The following NOL4L variants were observed in gnomAD, a reference collection of about 807,000 sequenced individuals.
NOL4L encodes the protein nucleolar protein 4-like.
In NOL4L, 7 loss-of-function variants were observed where a neutral mutation model predicts 64.5. The observed-to-expected ratio is 0.11, with a 90% CI of 0.06 to 0.20. The LOEUF is 0.20. Ranked by LOEUF, NOL4L falls within the 10% of genes least tolerant of loss-of-function variation. The pLI, the probability that NOL4L is intolerant of heterozygous loss-of-function variation, is 1.00. For missense variants in NOL4L, 680 were observed against 967.1 expected, an observed-to-expected ratio of 0.70 and a Z score of 3.94; for synonymous variants, 413 against 401.0, an observed-to-expected ratio of 1.03 and a Z score of -0.36.
intron 4 of NOL4L, chr20:32,485,708 G>A: frequency 6.4e-6 from 3 of 470,290 alleles, no homozygotes; most frequent in Non-Finnish European, 1.3e-5. Flanking sequence ...AGTGGCCACA[G>A]CTCTTAAGTT....
intron 1 of NOL4L, chr20:32,532,240 C>T (rs1268214542): frequency 4.3e-6 from 2 of 462,448 alleles, no homozygotes; most frequent in Non-Finnish European, 5.7e-6. Context: ...CCTATCTCTA[C>T]AGCAAAGATT....
chr20:32,461,878 C>T (rs2014103922), intron 5 of NOL4L, among the ~76,000 whole-genome samples: 1 of 151,946 alleles, frequency 6.6e-6, no homozygotes, highest in South Asian at 2.1e-4. Flanking sequence ...CCTAGAGACC[C>T]AGAGTTGGTG....
In NOL4L at chr20:32,584,972, C is replaced by CCGGGCCGGGA; in HGVS notation, c.-92_-83dup. 1.2e-6 allele frequency: 1 copy of CCGGGCCGGGA among 824,574 alleles called. No individual in the cohort carries two copies. Among genetic ancestry groups the CCGGGCCGGGA allele is most frequent in the Admixed American group, 6.2e-5 (1 of 16,236 alleles). The allele number at this position is 824,574 out of a possible 1,614,324, so 51.1% of individuals were successfully genotyped here. ...CGGGACTGGGCTGGGCTGGGCTGGA[C>CCGGGCCGGGA]CGGGCCGGGACGCGCCGCGGCCGCG... On this transcript the variant is annotated 5_prime_UTR_variant, in exon 1 of 11. Coordinates refer to ENST00000621426, the MANE Select transcript of NOL4L (RefSeq NM_001256798.2).
intron 1 of NOL4L, among the ~76,000 whole-genome samples, chr20:32,538,848 G>A (rs2018604140): frequency 6.6e-6 from 1 of 152,232 alleles, no homozygotes; most frequent in South Asian, 2.1e-4. Context: ...GGGCAGGGGG[G>A]CCCGGCAGCC....
chr20:32,447,753 G>A lies in NOL4L; in HGVS notation c.1886C>T (p.Pro629Leu), dbSNP rs969576664. ...GGGCCTGCTGGTGCTGGTGCTGGAG[G>A]GGGTGGGCGTGGGGGTGGTGGAGGT... The part of the protein sequence containing the change: ...STTSTTPTPT[P>L]SSTSTSRPVP... Residue 629 changes from proline (P) to leucine (L), a missense_variant, in exon 11 of 11, where the codon CCC becomes CTC. Physicochemically the swap from Pro to Leu is moderately conservative, Grantham distance 98. Coordinates refer to ENST00000621426, the MANE Select transcript of NOL4L (RefSeq NM_001256798.2). 3 of 1,597,180 alleles carry A rather than the reference G, an allele frequency of 1.9e-6. No individual in the cohort carries two copies. The highest frequency in any genetic ancestry group is 2.6e-6 in the Non-Finnish European group (3 of 1,169,106).
rs145067613 is a variant in NOL4L at position 32,447,357 on chromosome 20, C to T, written c.*239G>A. On this transcript the variant is annotated 3_prime_UTR_variant, in exon 11 of 11. Transcript: ENST00000621426. ...GCCCCCAACCCTTCCAGAGCTGCCC[C>T]GTTGGCCTCTTCCAAGCAGGTCAGA... 2.5e-5 allele frequency: 15 copies of T among 597,128 alleles called. No individual in the cohort carries two copies. In the East Asian group the frequency reaches 3.1e-4, roughly 13 times the overall value. 37.0% of individuals were successfully genotyped at this position (597,128 alleles called of 1,614,324 possible).
At chr20:32,571,332 C>G (rs891941097) in intron 1 of NOL4L, among the ~76,000 whole-genome samples, 1 of 152,140 alleles carries the variant, frequency 6.6e-6, no homozygotes, top group Non-Finnish European at 1.5e-5. Context: ...GGATTATAGG[C>G]GTGTGCCACA....
intron 6 of NOL4L, among the ~76,000 whole-genome samples, chr20:32,454,484 C>T (rs540229469): frequency 6.6e-6 from 1 of 152,048 alleles, no homozygotes; most frequent in East Asian, 1.9e-4. Context: ...CCCTCTGCTC[C>T]CACCACGAGT....
chr20:32,452,550 G>T, intron 9 of NOL4L, 113 bp from the exon 10 acceptor site: 2 of 1,014,842 alleles, frequency 2.0e-6, no homozygotes, highest in Non-Finnish European at 1.4e-6. Flanking sequence ...GGGACCCAAT[G>T]CTGCGGTTTG....
chr20:32,502,271 C>G (rs2016950532), intron 4 of NOL4L, among the ~76,000 whole-genome samples: 1 of 152,160 alleles, frequency 6.6e-6, no homozygotes, highest in Non-Finnish European at 1.5e-5. Context: ...GGGGCAGGGT[C>G]TGCTATTTTT....
intron 4 of NOL4L, among the ~76,000 whole-genome samples, chr20:32,482,989 G>GC (rs1319074822): frequency 1.3e-5 from 2 of 150,908 alleles, no homozygotes; most frequent in African/African-American, 4.9e-5. Flanking sequence ...CACAATCACC[G>GC]CCCCCCAGGA....
At chr20:32,481,968 G>GGGC (rs1555794906) in intron 4 of NOL4L, among the ~76,000 whole-genome samples, 1 of 149,004 alleles carries the variant, frequency 6.7e-6, no homozygotes, top group African/African-American at 2.4e-5. Flanking sequence ...GCGGGGCGGG[G>GGGC]GGGGGGGAGC....
chr20:32,543,746 C>T (rs1033159370), intron 1 of NOL4L, among the ~76,000 whole-genome samples: 3 of 151,804 alleles, frequency 2.0e-5, no homozygotes, highest in African/African-American at 7.3e-5. Flanking sequence ...GCCGAGATCT[C>T]GCCACGGCAC....
chr20:32,517,791 G>A (rs6119880), intron 3 of NOL4L, among the ~76,000 whole-genome samples: 44,614 of 152,090 alleles, frequency 0.29, 7,580 homozygotes, highest in East Asian at 0.77. Flanking sequence ...CCAGGCACCC[G>A]CTGCGTCCCA....
At chr20:32,505,876 G>T (rs1267241365) in intron 4 of NOL4L, among the ~76,000 whole-genome samples, 1 of 152,178 alleles carries the variant, frequency 6.6e-6, no homozygotes, top group Admixed American at 6.5e-5. Flanking sequence ...AGGTTACCAG[G>T]GCTGGGGGAG....
At chr20:32,511,215 A>G in intron 4 of NOL4L, 132 bp downstream of exon 4, 1 of 610,196 alleles carries the variant, frequency 1.6e-6, no homozygotes, top group Non-Finnish European at 2.9e-6. Flanking sequence ...GACAACCCAG[A>G]TAACCAGATA....
At chr20:32,543,517 G>T (rs936379427) in intron 1 of NOL4L, among the ~76,000 whole-genome samples, 2 of 152,122 alleles carry the variant, frequency 1.3e-5, no homozygotes, top group Non-Finnish European at 1.5e-5. Context: ...AACTAGGGAG[G>T]CTGAGGCAGG....
At chr20:32,472,264 G>A (rs1194112942) in intron 5 of NOL4L, among the ~76,000 whole-genome samples, 5 of 152,234 alleles carry the variant, frequency 3.3e-5, no homozygotes, top group Admixed American at 1.3e-4. Flanking sequence ...GGCCATGTTC[G>A]CAACCGAGTC....
At chr20:32,550,610 A>G (rs6119263) in intron 1 of NOL4L, among the ~76,000 whole-genome samples, 6,595 of 152,218 alleles carry the variant, frequency 0.043, 300 homozygotes, top group African/African-American at 0.12. Flanking sequence ...GGCCGGGCGC[A>G]GTGGCTCACG....
Sources: gnomAD v4.1 joint callset for allele counts (sites outside exome capture counted in the v4.1 genomes callset) on GRCh38, gnomAD v4.1.1 for gene constraint, MANE v1.5 for transcripts, NCBI Gene and HGNC (gene_info 2026-07-23, HGNC 2026-07-21) for gene names.